Variants in PAICS observed in about 807,000 individuals in gnomAD.
The protein encoded by PAICS is bifunctional phosphoribosylaminoimidazole carboxylase/phosphoribosylaminoimidazole succinocarboxamide synthetase.
A neutral mutation model predicts 53.7 loss-of-function variants in PAICS; 33 were observed. The ratio of observed to expected loss-of-function variants is 0.61; its 90% CI spans 0.47 to 0.82. The LOEUF is 0.82. PAICS is among the 40% of genes least tolerant of loss of function. The pLI, the probability that PAICS is intolerant of heterozygous loss-of-function variation, is 0.00. For missense variants in PAICS, 394 were observed against 494.1 expected (o/e 0.80, Z 1.92); for synonymous variants, 141 against 167.2 (o/e 0.84, Z 1.21).
At chr4:56,410,899 TAAAAAAAAAAAAAAA>T in the PAICS span, 31 of 678,434 alleles carry the variant, frequency 4.6e-5, no homozygotes, top group East Asian at 1.3e-3. Context: ...CCACTGAAGG[TAAAAAAAAAAAAAAA>T]AAAAAAAAAA....
At chr4:56,452,132 G>A in intron 7 of PAICS, 80 bp downstream of exon 7, 1 of 890,376 alleles carries the variant, frequency 1.1e-6, no homozygotes, top group Non-Finnish European at 1.7e-6. Context: ...TAATAATGCT[G>A]AAAAAAGAGC....
At chr4:56,435,826 C>A, upstream of PAICS, 1 of 1,506,838 alleles carries the variant, frequency 6.6e-7, no homozygotes, top group Non-Finnish European at 8.9e-7. Flanking sequence ...CAGCACCCAA[C>A]AGTAGCGTAA....
chr4:56,456,215 C>T (rs1449684017), intron 8 of PAICS, among the ~76,000 whole-genome samples: 1 of 152,162 alleles, frequency 6.6e-6, no homozygotes, highest in East Asian at 1.9e-4. Flanking sequence ...CCTCAACCTC[C>T]TGAGTACCTG....
At chr4:56,455,079 C>A (rs540141982) in intron 8 of PAICS, among the ~76,000 whole-genome samples, 16 of 152,208 alleles carry the variant, frequency 1.1e-4, no homozygotes. Flanking sequence ...ATCGCTTGAA[C>A]CTGGGAGGCA....
the PAICS span, among the ~76,000 whole-genome samples, chr4:56,429,458 T>C: frequency 6.6e-6 from 1 of 152,142 alleles, no homozygotes; most frequent in African/African-American, 2.4e-5. Flanking sequence ...GGAGCTGTAA[T>C]TCCAAAATGA....
chr4:56,447,461 T>C (rs1047115762), intron 3 of PAICS, among the ~76,000 whole-genome samples: 7 of 152,200 alleles, frequency 4.6e-5, no homozygotes, highest in African/African-American at 1.7e-4. Flanking sequence ...TATTTCATTT[T>C]TTTCACTTAC....
Position 56,459,547 on chromosome 4 carries a change from G to T in PAICS, c.*9G>T. The T allele has an allele frequency of 6.5e-7, 1 of 1,526,754 alleles. No homozygotes were observed. Among genetic ancestry groups the T allele is most frequent in the Non-Finnish European group, 8.9e-7 (1 of 1,126,288 alleles). 94.6% of individuals were successfully genotyped at this position (1,526,754 alleles called of 1,614,324 possible). A position where few individuals can be genotyped will look rare whatever the true frequency, so the allele number is the denominator to read the frequency against. ...GAGAATGTAATTTATAAGAAAGAAT[G>T]CCATTGAATTTTTTAGGGGAAAAAC... On this transcript the variant is annotated 3_prime_UTR_variant, in exon 9 of 9. Transcript: ENST00000512576.
At chr4:56,452,237 G>T (rs933191418) in intron 7 of PAICS, among the ~76,000 whole-genome samples, 185 bp downstream of exon 7, 29 of 152,142 alleles carry the variant, frequency 1.9e-4, no homozygotes, top group African/African-American at 7.0e-4. Flanking sequence ...GGAGTACAGT[G>T]GCGCCATCTC....
chr4:56,432,986 A>ACACG (rs1560652345), upstream of PAICS, among the ~76,000 whole-genome samples: 27 of 148,822 alleles, frequency 1.8e-4, no homozygotes, highest in African/African-American at 6.3e-4. Flanking sequence ...ATATACATAC[A>ACACG]CACACGTATT....
the PAICS span, among the ~76,000 whole-genome samples, chr4:56,412,295 T>C: frequency 6.6e-6 from 1 of 151,746 alleles, no homozygotes; most frequent in Non-Finnish European, 1.5e-5. Flanking sequence ...TCAAACTCTC[T>C]ATTCTCCCAT....
chr4:56,432,997 T>TTATATATATATA (rs370961590), upstream of PAICS, among the ~76,000 whole-genome samples: 1 of 148,436 alleles, frequency 6.7e-6, no homozygotes, highest in African/African-American at 2.5e-5. Context: ...CACACGTATT[T>TTATATATATATA]TATATATATA....
chr4:56,457,665 T>G (rs1007274401), intron 8 of PAICS, among the ~76,000 whole-genome samples: 29 of 147,454 alleles, frequency 2.0e-4, no homozygotes, highest in Non-Finnish European at 2.7e-4. Context: ...GAATTAAGTT[T>G]TTTTTTTTTT....
upstream of PAICS, chr4:56,431,355 G>C (rs1717574695): frequency 3.2e-6 from 2 of 623,210 alleles, no homozygotes; most frequent in South Asian, 7.1e-5. Flanking sequence ...ATATAAGTCT[G>C]ACTGAGTGCA....
At chr4:56,442,940 G>C (rs1718414250) in intron 2 of PAICS, among the ~76,000 whole-genome samples, 1 of 152,158 alleles carries the variant, frequency 6.6e-6, no homozygotes, top group Non-Finnish European at 1.5e-5. Flanking sequence ...ATGTGAAAAA[G>C]ATTTAATTGC....
At chr4:56,457,871 G>A (rs1222625410) in intron 8 of PAICS, among the ~76,000 whole-genome samples, 1 of 151,954 alleles carries the variant, frequency 6.6e-6, no homozygotes, top group Admixed American at 6.6e-5. Context: ...TTGCCTTTCA[G>A]TTGCCAAAAT....
chr4:56,447,501 A>G (rs372533259), intron 3 of PAICS, among the ~76,000 whole-genome samples: 1 of 152,172 alleles, frequency 6.6e-6, no homozygotes, highest in Non-Finnish European at 1.5e-5. Flanking sequence ...TGAATTATCA[A>G]ATAATGTCCC....
intron 8 of PAICS, among the ~76,000 whole-genome samples, chr4:56,455,613 A>G (rs1416136383): frequency 6.6e-6 from 1 of 152,160 alleles, no homozygotes; most frequent in Non-Finnish European, 1.5e-5. Flanking sequence ...TACCTTGTGT[A>G]TCTAAAATGT....
At chr4:56,411,732 T>A in the PAICS span, among the ~76,000 whole-genome samples, 1 of 152,240 alleles carries the variant, frequency 6.6e-6, no homozygotes, top group Non-Finnish European at 1.5e-5. Flanking sequence ...CGTTTAGTAA[T>A]GCGAAACCTC....
At chr4:56,427,550 T>C in the PAICS span, among the ~76,000 whole-genome samples, 1 of 151,904 alleles carries the variant, frequency 6.6e-6, no homozygotes, top group Non-Finnish European at 1.5e-5. Context: ...TAGGCACCTG[T>C]AGTGCCAGCT....
Sources: allele counts gnomAD v4.1 joint callset (sites outside exome capture counted in the v4.1 genomes callset), GRCh38; gene constraint gnomAD v4.1.1; transcripts MANE v1.5; gene names NCBI Gene and HGNC (gene_info 2026-07-23, HGNC 2026-07-21).